The following NEK10 variants were observed in gnomAD, a reference collection of about 807,000 sequenced individuals.
NEK10 encodes serine/threonine-protein kinase Nek10.
Under a neutral mutation model 159.8 loss-of-function variants are expected in NEK10, and 122 were observed. The ratio of observed to expected loss-of-function variants is 0.76; its 90% confidence interval spans 0.66 to 0.89. NEK10 has a LOEUF of 0.89. Ranked by LOEUF, NEK10 falls within the 40% of genes least tolerant of loss-of-function variation. The pLI is 0.00. For missense variants in NEK10, 1,342 were observed against 1,323.1 expected, an observed-to-expected ratio of 1.01 and a Z score of -0.22; for synonymous variants, 466 against 457.1, an observed-to-expected ratio of 1.02 and a Z score of -0.25.
At chr3:27,139,970 T>C (rs543255509) in intron 31 of NEK10, among the ~76,000 whole-genome samples, 5 of 152,280 alleles carry the variant, frequency 3.3e-5, no homozygotes, top group Non-Finnish European at 5.9e-5. Context: ...GAACGATACA[T>C]GATTTCAATG....
chr3:27,323,609 A>C (rs9812707), intron 5 of NEK10, among the ~76,000 whole-genome samples: 1 of 151,946 alleles, frequency 6.6e-6, no homozygotes, highest in Non-Finnish European at 1.5e-5. Flanking sequence ...GGGGGGAAAA[A>C]AAAACCTGGA....
chr3:27,242,626 G>A (rs549844235), intron 23 of NEK10, among the ~76,000 whole-genome samples: 1 of 152,274 alleles, frequency 6.6e-6, no homozygotes, highest in Admixed American at 6.5e-5. Flanking sequence ...ATGCACCCAT[G>A]TCCACTGGCA....
rs574104929 is a variant in NEK10, at chr3:27,251,117, A to AT, written c.2090+5178dup. Among the ~76,000 whole-genome samples, 80 of 152,254 alleles carry AT rather than the reference A, an allele frequency of 5.3e-4. No homozygotes were observed. The East Asian group carries it at 0.014, about 26-fold the overall frequency. ...ACAATAATCCTAGGACATGGGCACT[A>AT]TTATTATCATCCCCAGGTTGCAGAT... On this transcript the variant is annotated intron_variant, in intron 23 of 35. Transcript: ENST00000691995.
intron 22 of NEK10, among the ~76,000 whole-genome samples, chr3:27,258,256 C>A (rs905641713): frequency 4.6e-5 from 7 of 151,934 alleles, no homozygotes; most frequent in African/African-American, 1.7e-4. Flanking sequence ...TTTTAGGGTA[C>A]ATGTGCACAA....
In NEK10 at chr3:27,367,767, G is replaced by A. The variant is rs568743563; in HGVS notation, c.-38+1458C>T. ...AGAAACAGTAATCAAGCAACATACA[G>A]AAAATGATTGGGGAGTGAGAGCAGG... On this transcript the variant is annotated intron_variant, in intron 1 of 35. Coordinates refer to ENST00000691995, the MANE Select transcript of NEK10 (RefSeq NM_001394966.1). 2.6e-5 allele frequency among the ~76,000 whole-genome samples: 4 copies of A among 152,204 alleles called. 1 individual carries two copies. The South Asian group carries it at 8.3e-4, about 31-fold the overall frequency.
At chr3:27,114,888 G>C (rs896789966) in intron 35 of NEK10, among the ~76,000 whole-genome samples, 1 of 152,128 alleles carries the variant, frequency 6.6e-6, no homozygotes, top group African/African-American at 2.4e-5. Flanking sequence ...CCTTAGGTAA[G>C]TCAACAGACA....
At chr3:27,307,423 G>A (rs2044327034) in intron 11 of NEK10, among the ~76,000 whole-genome samples, 1 of 152,102 alleles carries the variant, frequency 6.6e-6, no homozygotes, top group African/African-American at 2.4e-5. Flanking sequence ...TAGATTTTGA[G>A]TTATCATAGC....
chr3:27,245,319 G>C (rs2370942), intron 23 of NEK10, among the ~76,000 whole-genome samples: 96,469 of 152,102 alleles, frequency 0.63, 32,891 homozygotes, highest in African/African-American at 0.9. Context: ...CCATGCACCT[G>C]CTTCCATCTA....
intron 15 of NEK10, 104 bp downstream of exon 15, chr3:27,295,509 G>A: frequency 1.4e-6 from 2 of 1,389,564 alleles, no homozygotes; most frequent in South Asian, 3.1e-5. Context: ...GTCAGTACAG[G>A]GACCAGTACT....
intron 6 of NEK10, among the ~76,000 whole-genome samples, chr3:27,316,602 C>T (rs1194926908): frequency 6.6e-6 from 1 of 151,870 alleles, no homozygotes; most frequent in African/African-American, 2.4e-5. Flanking sequence ...TGGGAAGACA[C>T]CAAGGAAGAG....
chr3:27,282,805 T>C (rs2042304580), intron 22 of NEK10, among the ~76,000 whole-genome samples: 1 of 150,514 alleles, frequency 6.6e-6, no homozygotes, highest in Admixed American at 6.6e-5. Flanking sequence ...TAATCCTTAT[T>C]AACTTATAAA....
At chr3:27,310,400 T>C (rs894210025) in intron 9 of NEK10, 3 of 152,254 alleles carry the variant, frequency 2.0e-5, no homozygotes, top group African/African-American at 7.2e-5. Flanking sequence ...TAACACATTT[T>C]AGGCAATCTT....
intron 12 of NEK10, among the ~76,000 whole-genome samples, chr3:27,302,537 T>G (rs2149543599): frequency 6.6e-6 from 1 of 152,360 alleles, no homozygotes; most frequent in South Asian, 2.1e-4. Context: ...ATTCATGCTC[T>G]GCTTAATGTC....
intron 33 of NEK10, among the ~76,000 whole-genome samples, chr3:27,117,366 TG>T (rs1408488711): frequency 6.6e-6 from 1 of 152,242 alleles, no homozygotes; most frequent in African/African-American, 2.4e-5. Flanking sequence ...CTGGTTCAAA[TG>T]GTATTTCTGG....
intron 1 of NEK10, among the ~76,000 whole-genome samples, chr3:27,360,999 G>A (rs1328357989): frequency 1.3e-5 from 2 of 152,096 alleles, no homozygotes; most frequent in Non-Finnish European, 1.5e-5. Context: ...CTTAATCCTC[G>A]AAATAGTTAC....
At chr3:27,215,147 C>G in intron 23 of NEK10, 1 of 344,002 alleles carries the variant, frequency 2.9e-6, no homozygotes. Context: ...CTCTTAACAC[C>G]ATCAAAATTA....
intron 23 of NEK10, among the ~76,000 whole-genome samples, chr3:27,234,972 C>T (rs1310710972): frequency 6.6e-6 from 1 of 152,028 alleles, no homozygotes; most frequent in Non-Finnish European, 1.5e-5. Context: ...ACACCTACAA[C>T]CATCTGATGT....
intron 30 of NEK10, among the ~76,000 whole-genome samples, chr3:27,146,393 T>G (rs1400549337): frequency 1.3e-5 from 2 of 152,160 alleles, no homozygotes; most frequent in Non-Finnish European, 2.9e-5. Context: ...TTCTGAATTC[T>G]CTCAGCTAAG....
intron 25 of NEK10, among the ~76,000 whole-genome samples, chr3:27,199,834 T>C (rs1242336380): frequency 5.3e-5 from 8 of 152,024 alleles, no homozygotes; most frequent in African/African-American, 1.9e-4. Context: ...TGGAGGCCAT[T>C]ATCCTTAGCA....
Sources: gnomAD v4.1 joint callset for allele counts (sites outside exome capture counted in the v4.1 genomes callset) on GRCh38, gnomAD v4.1.1 for gene constraint, MANE v1.5 for transcripts, NCBI Gene and HGNC (gene_info 2026-07-23, HGNC 2026-07-21) for gene names.